The following RMST variants were observed in gnomAD, a reference collection of about 807,000 sequenced individuals.
RMST encodes rhabdomyosarcoma 2 associated transcript.
intron 13 of RMST, among the ~76,000 whole-genome samples, chr12:97,562,989 G>T (rs1884239601): frequency 6.6e-6 from 1 of 152,196 alleles, no homozygotes; most frequent in Non-Finnish European, 1.5e-5. Flanking sequence ...GGCACCTCAA[G>T]TTTATTTTTT....
chr12:97,509,705 C>T (rs1879083922), intron 10 of RMST, among the ~76,000 whole-genome samples: 1 of 152,172 alleles, frequency 6.6e-6, no homozygotes, highest in Non-Finnish European at 1.5e-5. Flanking sequence ...CTCCTTATCT[C>T]TCACTCCAGT....
intron 11 of RMST, among the ~76,000 whole-genome samples, chr12:97,552,784 G>A (rs760569280): frequency 9.2e-5 from 14 of 152,164 alleles, no homozygotes; most frequent in Non-Finnish European, 1.8e-4. Flanking sequence ...CCAGCTACTT[G>A]TATTTCTCCT....
At chr12:97,480,472 T>C (rs1326602501) in intron 5 of RMST, among the ~76,000 whole-genome samples, 2 of 152,190 alleles carry the variant, frequency 1.3e-5, no homozygotes, top group Non-Finnish European at 2.9e-5. Flanking sequence ...ATGTTTCATC[T>C]CTTGCTTGGA....
chr12:97,551,189 A>AG (rs1254565248), intron 11 of RMST, among the ~76,000 whole-genome samples: 1 of 151,892 alleles, frequency 6.6e-6, no homozygotes, highest in Non-Finnish European at 1.5e-5. Flanking sequence ...AAAAAAAAAA[A>AG]AGACCAAGTT....
At chr12:97,546,131 C>G (rs772523339) in intron 11 of RMST, among the ~76,000 whole-genome samples, 3 of 152,016 alleles carry the variant, frequency 2.0e-5, no homozygotes, top group Admixed American at 1.3e-4. Flanking sequence ...TATGGTATAT[C>G]CTAAATTTGG....
At chr12:97,522,392 GA>G (rs2136554828) in intron 10 of RMST, among the ~76,000 whole-genome samples, 1 of 152,288 alleles carries the variant, frequency 6.6e-6, no homozygotes, top group African/African-American at 2.4e-5. Context: ...TTACTCTTCA[GA>G]AACAGTAGGA....
chr12:97,528,547 T>C (rs928306908), intron 10 of RMST, among the ~76,000 whole-genome samples: 3 of 152,148 alleles, frequency 2.0e-5, no homozygotes, highest in Non-Finnish European at 4.4e-5. Context: ...CAAAGTCATT[T>C]TCATAGGAAC....
chr12:97,491,857 C>T, intron 5 of RMST: 2 of 499,748 alleles, frequency 4.0e-6, no homozygotes, highest in Admixed American at 2.0e-5. Flanking sequence ...AATTTCATTG[C>T]ACTGTGTAAT....
chr12:97,558,846 G>A (rs1189990664), intron 11 of RMST, among the ~76,000 whole-genome samples: 3 of 152,168 alleles, frequency 2.0e-5, no homozygotes, highest in Non-Finnish European at 4.4e-5. Flanking sequence ...CCAGCAACCT[G>A]ATGGGGCCTC....
chr12:97,533,212 T>C (rs905104069), intron 11 of RMST: 1 of 151,774 alleles, frequency 6.6e-6, no homozygotes, highest in Non-Finnish European at 1.5e-5. Flanking sequence ...GAAGCCAATC[T>C]CTGTACACTG....
intron 11 of RMST, among the ~76,000 whole-genome samples, chr12:97,552,724 G>A (rs1310581255): frequency 1.3e-5 from 2 of 152,164 alleles, no homozygotes; most frequent in Non-Finnish European, 2.9e-5. Context: ...GCTGTTAAAT[G>A]CTTTCACTTT....
At chr12:97,504,673 C>T (rs1878473309) in intron 10 of RMST, among the ~76,000 whole-genome samples, 1 of 152,012 alleles carries the variant, frequency 6.6e-6, no homozygotes, top group African/African-American at 2.4e-5. Context: ...TTTTTGTGAA[C>T]ATGAAGAAAA....
chr12:97,519,319 G>A (rs771168758), intron 10 of RMST, among the ~76,000 whole-genome samples: 14 of 152,154 alleles, frequency 9.2e-5, no homozygotes, highest in Admixed American at 2.6e-4. Context: ...GAGTCTGTAC[G>A]TCAATCCCAG....
intron 5 of RMST, among the ~76,000 whole-genome samples, chr12:97,484,726 A>G (rs1364384676): frequency 6.6e-6 from 1 of 152,214 alleles, no homozygotes; most frequent in Non-Finnish European, 1.5e-5. Context: ...CAAGCTATAT[A>G]TAACTCTTCC....
chr12:97,521,268 T>C (rs1410279709), intron 10 of RMST, among the ~76,000 whole-genome samples: 4 of 152,164 alleles, frequency 2.6e-5, no homozygotes, highest in Non-Finnish European at 5.9e-5. Flanking sequence ...CTTGTGATGA[T>C]AACGCAATGT....
At chr12:97,519,409 G>T (rs979243533) in intron 10 of RMST, among the ~76,000 whole-genome samples, 4 of 152,162 alleles carry the variant, frequency 2.6e-5, no homozygotes, top group African/African-American at 9.7e-5. Flanking sequence ...GATATTGCTT[G>T]TTTTGGTGAC....
At chr12:97,470,563 A>G (rs1249825640) in intron 5 of RMST, among the ~76,000 whole-genome samples, 10 of 152,042 alleles carry the variant, frequency 6.6e-5, no homozygotes. Flanking sequence ...GGTTAGAGAT[A>G]TCATTAAGGA....
At chr12:97,552,926 G>C (rs1241582539) in intron 11 of RMST, among the ~76,000 whole-genome samples, 1 of 152,142 alleles carries the variant, frequency 6.6e-6, no homozygotes, top group Non-Finnish European at 1.5e-5. Flanking sequence ...AGACAGAAGG[G>C]GGTAAGAGTG....
At chr12:97,511,598 C>T (rs182829384) in intron 10 of RMST, among the ~76,000 whole-genome samples, 86 of 152,234 alleles carry the variant, frequency 5.6e-4, no homozygotes, top group Non-Finnish European at 1.5e-4. Context: ...ATTTTGAATC[C>T]TGGCCCTGGA....
Sources: allele counts gnomAD v4.1 joint callset (sites outside exome capture counted in the v4.1 genomes callset), GRCh38; gene constraint gnomAD v4.1.1; transcripts MANE v1.5; gene names NCBI Gene and HGNC (gene_info 2026-07-23, HGNC 2026-07-21).